IMPA2: variants seen among roughly 807,000 people sequenced by gnomAD.
IMPA2 encodes inositol monophosphatase 2.
A neutral mutation model predicts 35.1 loss-of-function variants in IMPA2; 32 were observed. That is an observed-to-expected ratio of 0.91 (90% CI 0.69 to 1.23). The LOEUF (loss-of-function observed/expected upper bound fraction) is 1.23, where lower values mean the gene tolerates loss of function less well. Ranked by LOEUF, IMPA2 falls within the 50% of genes most tolerant of loss-of-function variation. IMPA2 has a pLI of 0.00. For missense variants in IMPA2, 334 were observed against 387.6 expected (o/e 0.86, Z 1.16); for synonymous variants, 135 against 160.6 (o/e 0.84, Z 1.20).
At chr18:12,005,292 G>A (rs1454643555) in intron 2 of IMPA2, among the ~76,000 whole-genome samples, 1 of 152,156 alleles carries the variant, frequency 6.6e-6, no homozygotes, top group Non-Finnish European at 1.5e-5. Context: ...CCAGTGCTCA[G>A]TGTGGGTACT....
At chr18:12,021,378 G>A (rs1907724321) in intron 5 of IMPA2, among the ~76,000 whole-genome samples, 1 of 149,000 alleles carries the variant, frequency 6.7e-6, no homozygotes, top group East Asian at 1.9e-4. Context: ...AACAGAGCAA[G>A]ACCCTGTCTC....
intron 1 of IMPA2, among the ~76,000 whole-genome samples, chr18:11,998,179 GCAAAA>G (rs1030668158): frequency 2.5e-4 from 38 of 152,232 alleles, no homozygotes; most frequent in Admixed American, 6.5e-4. Flanking sequence ...ACAAAACAAA[GCAAAA>G]CAAAACAAAA....
intron 5 of IMPA2, among the ~76,000 whole-genome samples, chr18:12,015,804 G>C (rs1907561576): frequency 6.6e-6 from 1 of 152,238 alleles, no homozygotes; most frequent in Non-Finnish European, 1.5e-5. Context: ...TTGTGTAACT[G>C]GTGGTGAGGA....
chr18:12,001,520 T>C (rs1368024128), intron 2 of IMPA2, among the ~76,000 whole-genome samples: 1 of 152,170 alleles, frequency 6.6e-6, no homozygotes, highest in Non-Finnish European at 1.5e-5. Flanking sequence ...CAAACTGCAC[T>C]CTGAGATTGC....
chr18:11,993,272 A>G (rs531766187), intron 1 of IMPA2, among the ~76,000 whole-genome samples: 1 of 152,158 alleles, frequency 6.6e-6, no homozygotes, highest in Non-Finnish European at 1.5e-5. Flanking sequence ...ATCCCTCTCT[A>G]CTCCCACTGA....
chr18:12,011,614 T>C (rs962734831), intron 3 of IMPA2, among the ~76,000 whole-genome samples: 1 of 152,360 alleles, frequency 6.6e-6, no homozygotes, highest in African/African-American at 2.4e-5. Context: ...ATTTTGAAGA[T>C]ATTGAGCGGC....
chr18:12,015,676 C>T (rs1444424838), intron 5 of IMPA2, among the ~76,000 whole-genome samples: 1 of 152,204 alleles, frequency 6.6e-6, no homozygotes, highest in African/African-American at 2.4e-5. Context: ...CCCAGAGAGG[C>T]CTTGGAATGG....
chr18:12,017,355 A>C (rs1362301103), intron 5 of IMPA2, among the ~76,000 whole-genome samples: 6 of 152,166 alleles, frequency 3.9e-5, no homozygotes, highest in Non-Finnish European at 8.8e-5. Context: ...GCGTGTCTCC[A>C]AAAACAGACT....
intron 1 of IMPA2, among the ~76,000 whole-genome samples, chr18:11,992,500 C>T (rs1025096105): frequency 6.6e-6 from 1 of 152,184 alleles, no homozygotes; most frequent in African/African-American, 2.4e-5. Context: ...TGGACGTCTC[C>T]ATGAATATGT....
intron 5 of IMPA2, among the ~76,000 whole-genome samples, chr18:12,015,046 A>G (rs1598700362): frequency 6.6e-6 from 1 of 152,192 alleles, no homozygotes; most frequent in Non-Finnish European, 1.5e-5. Flanking sequence ...TTTTAACTGC[A>G]TTGTGAGACA....
At chr18:12,023,090 C>T (rs1907782650) in intron 5 of IMPA2, among the ~76,000 whole-genome samples, 1 of 151,936 alleles carries the variant, frequency 6.6e-6, no homozygotes, top group Non-Finnish European at 1.5e-5. Context: ...CCACTGCACC[C>T]AGCCTATACT....
chr18:12,009,568 G>C (rs1192979827), intron 2 of IMPA2, among the ~76,000 whole-genome samples: 1 of 152,138 alleles, frequency 6.6e-6, no homozygotes, highest in African/African-American at 2.4e-5. Flanking sequence ...GTTTAGTTTT[G>C]CTTCAGAAGA....
intron 4 of IMPA2, among the ~76,000 whole-genome samples, chr18:12,012,896 AG>A (rs1907474002): frequency 6.6e-6 from 1 of 152,250 alleles, no homozygotes; most frequent in African/African-American, 2.4e-5. Flanking sequence ...ACTCCCTGGC[AG>A]GGGAGCTGAG....
chr18:12,022,552 TATA>T (rs1345306240), intron 5 of IMPA2, among the ~76,000 whole-genome samples: 1 of 144,226 alleles, frequency 6.9e-6, no homozygotes, highest in Non-Finnish European at 1.5e-5. Flanking sequence ...TATATATATA[TATA>T]TTTGTGTGTG....
chr18:12,024,854 C>T (rs999911245), intron 5 of IMPA2, among the ~76,000 whole-genome samples: 5 of 151,972 alleles, frequency 3.3e-5, no homozygotes, highest in East Asian at 1.9e-4. Context: ...TCCCCACACA[C>T]GTACAGCCTC....
At position 11,991,188 on chromosome 18, in the gene IMPA2, C is replaced by T. The variant is rs1431496468; in HGVS notation, c.97-7866C>T. Among the ~76,000 whole-genome samples, 3 of 152,258 alleles carry T rather than the reference C, an allele frequency of 2.0e-5. No homozygotes were observed. Among genetic ancestry groups the T allele is most frequent in the Non-Finnish European group, 2.9e-5 (2 of 68,012 alleles). On this transcript the variant is annotated intron_variant, in intron 1 of 7. Coordinates refer to ENST00000269159, the MANE Select transcript of IMPA2 (RefSeq NM_014214.3). This position sits in a 1 kb window ranked among gnomAD's most constrained non-coding sequence, Gnocchi z 4.1. ...GAGGCAGGGGCCACAGGCCACGGGC[C>T]CTGGAACACAGGGAATGCAGCTGGG...
At chr18:11,990,030 C>T (rs1339177944) in intron 1 of IMPA2, among the ~76,000 whole-genome samples, 1 of 152,198 alleles carries the variant, frequency 6.6e-6, no homozygotes, top group African/African-American at 2.4e-5. Context: ...CTCTCCTGGC[C>T]TCCTCCTGGG....
chr18:11,995,672 G>A (rs1447974336), intron 1 of IMPA2, among the ~76,000 whole-genome samples: 2 of 152,156 alleles, frequency 1.3e-5, no homozygotes, highest in Non-Finnish European at 2.9e-5. Context: ...GGGAGAGTGG[G>A]TCTGAGTGCA....
chr18:11,994,848 G>T (rs1307661380), intron 1 of IMPA2: 1 of 152,524 alleles, frequency 6.6e-6, no homozygotes, highest in Non-Finnish European at 1.5e-5. Flanking sequence ...GTGCCAGTTG[G>T]TGGCTTGTGT....
Sources: gnomAD v4.1 joint callset for allele counts (sites outside exome capture counted in the v4.1 genomes callset) on GRCh38, gnomAD v4.1.1 for gene constraint, Gnocchi (gnomAD v3.1) non-coding constraint, MANE v1.5 for transcripts, NCBI Gene and HGNC (gene_info 2026-07-23, HGNC 2026-07-21) for gene names.